Variants in PTPRT observed in about 807,000 individuals in gnomAD.
The protein encoded by PTPRT is receptor-type tyrosine-protein phosphatase T.
In PTPRT, 56 loss-of-function variants were observed where a neutral mutation model predicts 176.8. That is an observed-to-expected ratio of 0.32 (90% CI 0.26 to 0.40). The LOEUF is 0.40. PTPRT is among the 10% of genes least tolerant of loss of function. PTPRT has a pLI of 1.00. For missense variants in PTPRT, 1,540 were observed against 1,908.2 expected (o/e 0.81, Z 3.60); for synonymous variants, 783 against 739.0 (o/e 1.06, Z -0.96).
intron 6 of PTPRT, among the ~76,000 whole-genome samples, chr20:42,702,828 A>G (rs1352613500): frequency 2.6e-5 from 4 of 152,234 alleles, no homozygotes; most frequent in Non-Finnish European, 5.9e-5. Flanking sequence ...GCTCTACCTA[A>G]CACAGTTTAT....
At chr20:42,996,187 C>T (rs758198468) in intron 1 of PTPRT, among the ~76,000 whole-genome samples, 16 of 152,048 alleles carry the variant, frequency 1.1e-4, no homozygotes, top group Admixed American at 4.6e-4. Context: ...GGGAGTGAGG[C>T]AGGAAAGGAG....
chr20:43,175,144 T>C (rs796161640), intron 1 of PTPRT, among the ~76,000 whole-genome samples: 1 of 152,200 alleles, frequency 6.6e-6, no homozygotes, highest in African/African-American at 2.4e-5. Flanking sequence ...TTCTCTGGGA[T>C]GCGAGGAAGT....
At chr20:43,023,202 CCTA>C (rs1205114839) in intron 1 of PTPRT, among the ~76,000 whole-genome samples, 5 of 152,202 alleles carry the variant, frequency 3.3e-5, no homozygotes, top group African/African-American at 1.2e-4. Flanking sequence ...AGAAAATGGC[CCTA>C]CACCTCTGAA....
At chr20:42,220,297 G>A (rs1005340901) in intron 15 of PTPRT, among the ~76,000 whole-genome samples, 13 of 152,200 alleles carry the variant, frequency 8.5e-5, no homozygotes, top group African/African-American at 2.9e-4. Flanking sequence ...GTATTGTTAA[G>A]AGGTCATTTC....
intron 11 of PTPRT, among the ~76,000 whole-genome samples, chr20:42,338,180 A>G (rs2058066412): frequency 6.6e-6 from 1 of 152,242 alleles, no homozygotes; most frequent in Admixed American, 6.5e-5. Flanking sequence ...TAGGCACTCT[A>G]TAATTTTAAT....
chr20:42,791,089 G>A lies in PTPRT; in HGVS notation c.486+106C>T, dbSNP rs113311155. 3.8e-3 allele frequency: 5,183 copies of A among 1,372,290 alleles called. 111 individuals carry two copies. In the African/African-American group the frequency reaches 0.052, roughly 14 times the overall value. 85.0% of individuals were successfully genotyped at this position (1,372,290 alleles called of 1,614,324 possible). A position where few individuals can be genotyped will look rare whatever the true frequency, so the allele number is the denominator to read the frequency against. ...CTAGGAGGAGAAGCACAGTAAACAC[G>A]AGTGAATAAATGAAGTCCTTTCTAG... On this transcript the variant is annotated intron_variant, in intron 3 of 30. Transcript: ENST00000373187.
At chr20:42,370,159 C>T (rs1425256002) in intron 9 of PTPRT, among the ~76,000 whole-genome samples, 1 of 152,204 alleles carries the variant, frequency 6.6e-6, no homozygotes. Context: ...CAAGGCAGCA[C>T]AGCTTGTCCA....
intron 9 of PTPRT, among the ~76,000 whole-genome samples, chr20:42,374,440 T>C (rs533333799): frequency 5.3e-5 from 8 of 150,998 alleles, no homozygotes; most frequent in African/African-American, 1.9e-4. Flanking sequence ...ATAAACCCAG[T>C]GATAGAGTTT....
At chr20:42,139,385 C>G (rs1261385509) in intron 18 of PTPRT, among the ~76,000 whole-genome samples, 1 of 152,090 alleles carries the variant, frequency 6.6e-6, no homozygotes, top group Non-Finnish European at 1.5e-5. Flanking sequence ...TTAGTCCAAG[C>G]AGTTTATGTA....
chr20:42,045,094 A>G, the PTPRT span, among the ~76,000 whole-genome samples: 10 of 152,150 alleles, frequency 6.6e-5, no homozygotes, highest in African/African-American at 2.4e-4. Flanking sequence ...AGGATAATCT[A>G]TTTACCTCAA....
chr20:42,765,603 G>C (rs1183442868), intron 5 of PTPRT, among the ~76,000 whole-genome samples: 2 of 151,918 alleles, frequency 1.3e-5, no homozygotes, highest in Non-Finnish European at 2.9e-5. Context: ...AAAATAAAAA[G>C]CTTCATAATC....
chr20:42,631,726 T>C (rs1455549936), intron 7 of PTPRT, among the ~76,000 whole-genome samples: 1 of 152,180 alleles, frequency 6.6e-6, no homozygotes, highest in African/African-American at 2.4e-5. Flanking sequence ...AAGGCAACTC[T>C]CTAAAGCTGA....
chr20:42,263,686 T>A (rs1283908785), intron 13 of PTPRT, among the ~76,000 whole-genome samples: 2 of 151,380 alleles, frequency 1.3e-5, no homozygotes, highest in Non-Finnish European at 2.9e-5. Context: ...GCCTTTTTTT[T>A]TTTTTTTAAC....
chr20:42,052,728 G>T, the PTPRT span, among the ~76,000 whole-genome samples: 1 of 152,126 alleles, frequency 6.6e-6, no homozygotes, highest in East Asian at 1.9e-4. Flanking sequence ...TCCCCACCTG[G>T]CAGTGCCATT....
chr20:42,395,354 C>A (rs1027416053), intron 9 of PTPRT, among the ~76,000 whole-genome samples: 1 of 152,170 alleles, frequency 6.6e-6, no homozygotes, highest in African/African-American at 2.4e-5. Context: ...GGACCTATGC[C>A]GCATCTAAGA....
At chr20:42,430,122 G>T (rs958252839) in intron 9 of PTPRT, among the ~76,000 whole-genome samples, 1 of 152,176 alleles carries the variant, frequency 6.6e-6, no homozygotes, top group Non-Finnish European at 1.5e-5. Flanking sequence ...GGAAGTGTTG[G>T]TTTCTCTGAT....
intron 15 of PTPRT, among the ~76,000 whole-genome samples, chr20:42,234,359 A>G (rs1174013883): frequency 6.6e-6 from 1 of 152,250 alleles, no homozygotes; most frequent in Non-Finnish European, 1.5e-5. Flanking sequence ...CTCTATAACC[A>G]GTGCACGATA....
rs116741311 is a variant in PTPRT, at chr20:42,832,795, A to T, written c.215-41329T>A. 9.8e-3 allele frequency among the ~76,000 whole-genome samples: 1,132 copies of T among 115,006 alleles called. 27 individuals carry two copies. The highest frequency in any genetic ancestry group is 0.033 in the African/African-American group (1,050 of 31,356). The allele number at this position is 115,006 out of a possible 152,430, so 75.4% of individuals were successfully genotyped here. On this transcript the variant is annotated intron_variant, in intron 2 of 30. Coordinates refer to ENST00000373187, the MANE Select transcript of PTPRT (RefSeq NM_007050.6). ...TGTAATCCAAAAGCCAACTAATAGG[A>T]TTTGTTAAAAAAAAAAAAAAAAAAA...
chr20:42,135,885 G>A (rs1011937929), intron 18 of PTPRT, among the ~76,000 whole-genome samples: 12 of 152,084 alleles, frequency 7.9e-5, no homozygotes, highest in African/African-American at 2.7e-4. Context: ...CTCCTGGAAC[G>A]CTGAGATCCA....
Sources: allele counts gnomAD v4.1 joint callset (sites outside exome capture counted in the v4.1 genomes callset), GRCh38; gene constraint gnomAD v4.1.1; transcripts MANE v1.5; gene names NCBI Gene and HGNC (gene_info 2026-07-23, HGNC 2026-07-21).